ATP8A2: variants seen among roughly 807,000 people sequenced by gnomAD.
The protein encoded by ATP8A2 is phospholipid-transporting ATPase IB.
ATP8A2 carries 100 observed loss-of-function variants against 165.6 expected under a neutral mutation model. That is an observed-to-expected ratio of 0.60 (90% CI 0.51 to 0.71). The LOEUF is 0.71. Ranked by LOEUF, ATP8A2 falls within the 30% of genes least tolerant of loss-of-function variation. The probability of loss-of-function intolerance (pLI) is 0.00; values close to 1 mark genes in which losing one functional copy is unlikely to be tolerated. For missense variants in ATP8A2, 1,227 were observed against 1,479.5 expected (o/e 0.83, Z 2.80); for synonymous variants, 543 against 548.8 (o/e 0.99, Z 0.15).
chr13:25,732,418 G>A (rs2043672044), intron 25 of ATP8A2, among the ~76,000 whole-genome samples: 1 of 152,278 alleles, frequency 6.6e-6, no homozygotes, highest in East Asian at 1.9e-4. Flanking sequence ...GTGGCCATGT[G>A]AGCTCCAAGC....
At chr13:25,777,609 A>G (rs2044771195) in intron 27 of ATP8A2, among the ~76,000 whole-genome samples, 1 of 152,248 alleles carries the variant, frequency 6.6e-6, no homozygotes, top group Non-Finnish European at 1.5e-5. Context: ...TCTAAGATAC[A>G]TAACTACTAA....
At position 25,599,583 on chromosome 13, in the gene ATP8A2, T is replaced by C. The variant is rs570552673; in HGVS notation, c.2211+9884T>C. Among the ~76,000 whole-genome samples the C allele has an allele frequency of 2.6e-5, 4 of 152,386 alleles. No individual in the cohort carries two copies. The East Asian group carries it at 7.7e-4, about 29-fold the overall frequency. On this transcript the variant is annotated intron_variant, in intron 24 of 36. Coordinates refer to ENST00000381655, the MANE Select transcript of ATP8A2 (RefSeq NM_016529.6). ...CTTTGATAAATATTAATTTCCAGTT[T>C]AAAGACCTGTATCACTTGGGTTTTT...
chr13:25,822,040 A>C (rs993452474), intron 27 of ATP8A2, among the ~76,000 whole-genome samples: 11 of 152,194 alleles, frequency 7.2e-5, no homozygotes, highest in African/African-American at 2.4e-4. Context: ...GAGTATGTAC[A>C]TCTGTTCTGC....
At chr13:25,583,788 C>T (rs1016174446) in intron 23 of ATP8A2, among the ~76,000 whole-genome samples, 1 of 152,050 alleles carries the variant, frequency 6.6e-6, no homozygotes, top group Non-Finnish European at 1.5e-5. Flanking sequence ...TGATACCTGT[C>T]CAAACAATTT....
intron 27 of ATP8A2, among the ~76,000 whole-genome samples, chr13:25,818,442 A>G (rs1286046452): frequency 6.6e-6 from 1 of 152,250 alleles, no homozygotes; most frequent in Non-Finnish European, 1.5e-5. Flanking sequence ...CTTTTAAATA[A>G]GTAGGATTGA....
At chr13:25,620,997 G>A (rs184553258) in intron 24 of ATP8A2, among the ~76,000 whole-genome samples, 20 of 152,264 alleles carry the variant, frequency 1.3e-4, no homozygotes, top group African/African-American at 4.1e-4. Flanking sequence ...TGGAGTAGTG[G>A]GTGATTGGGC....
intron 25 of ATP8A2, among the ~76,000 whole-genome samples, chr13:25,738,048 G>A (rs922686467): frequency 5.3e-5 from 8 of 151,666 alleles, no homozygotes; most frequent in African/African-American, 2.0e-4. Context: ...CTCTTTCTGA[G>A]TCTGAAGACC....
At chr13:25,882,960 T>C (rs1232975124) in intron 33 of ATP8A2, among the ~76,000 whole-genome samples, 1 of 151,694 alleles carries the variant, frequency 6.6e-6, no homozygotes, top group Non-Finnish European at 1.5e-5. Flanking sequence ...ATGATGGTGA[T>C]GGTGATGATG....
intron 24 of ATP8A2, among the ~76,000 whole-genome samples, chr13:25,672,618 A>G (rs549369306): frequency 1.2e-4 from 18 of 152,108 alleles, no homozygotes; most frequent in African/African-American, 3.6e-4. Flanking sequence ...GCTGCTATTT[A>G]TTTTCTTCAT....
chr13:25,892,766 G>A (rs905494149), intron 33 of ATP8A2, among the ~76,000 whole-genome samples: 2 of 151,388 alleles, frequency 1.3e-5, no homozygotes, highest in Non-Finnish European at 2.9e-5. Flanking sequence ...CCACAGTTTG[G>A]GTCTCAACTT....
At chr13:25,748,875 G>A (rs190358429) in intron 25 of ATP8A2, among the ~76,000 whole-genome samples, 4 of 152,218 alleles carry the variant, frequency 2.6e-5, no homozygotes, top group South Asian at 2.1e-4. Flanking sequence ...TTATTTTAGT[G>A]TTTTTAGTAT....
At chr13:25,797,346 GA>G (rs1950517538) in intron 27 of ATP8A2, among the ~76,000 whole-genome samples, 1 of 151,958 alleles carries the variant, frequency 6.6e-6, no homozygotes, top group Non-Finnish European at 1.5e-5. Flanking sequence ...TGAGGTGATG[GA>G]TACGCTATTT....
chr13:25,468,971 C>A lies in ATP8A2; in HGVS notation c.77-6C>A. ...CGTATTCTCTGCCTGCGCCCTGTCT[C>A]TGCAGGACCTGTTCGTTCTTCTTTG... On this transcript the variant is annotated splice_polypyrimidine_tract_variant and splice_region_variant and intron_variant, in intron 1 of 36. Transcript: ENST00000381655. The A allele has an allele frequency of 6.2e-7, 1 of 1,613,940 alleles. No individual in the cohort carries two copies. The highest frequency in any genetic ancestry group is 8.5e-7 in the Non-Finnish European group (1 of 1,179,832).
At chr13:25,771,557 T>C (rs1233166514) in intron 26 of ATP8A2, among the ~76,000 whole-genome samples, 2 of 152,192 alleles carry the variant, frequency 1.3e-5, no homozygotes, top group East Asian at 3.8e-4. Flanking sequence ...TAGGATGTGT[T>C]ATCCAGAGCA....
chr13:25,841,834 G>A (rs1951751886), intron 30 of ATP8A2, among the ~76,000 whole-genome samples: 1 of 152,174 alleles, frequency 6.6e-6, no homozygotes, highest in African/African-American at 2.4e-5. Context: ...GATTCTGGAG[G>A]CTGGGAAGTC....
chr13:26,009,658 G>A (rs957506640), intron 35 of ATP8A2, among the ~76,000 whole-genome samples: 3 of 152,186 alleles, frequency 2.0e-5, no homozygotes, highest in African/African-American at 7.2e-5. Flanking sequence ...TGGATGGCAG[G>A]CCTGGGCCAT....
In ATP8A2 at chr13:25,750,739, C is replaced by G. The variant is rs1038970039; in HGVS notation, c.2385-18307C>G. 1.3e-5 allele frequency among the ~76,000 whole-genome samples: 2 copies of G among 151,840 alleles called. No homozygotes were observed. Among genetic ancestry groups the G allele is most frequent in the African/African-American group, 4.8e-5 (2 of 41,314 alleles). ...GAGCACATGGGCATCAAAAAGCTTG[C>G]GAAGAAAAGTCCTCTTCTGCTCGAT... On this transcript the variant is annotated intron_variant, in intron 25 of 36. Coordinates refer to ENST00000381655, the MANE Select transcript of ATP8A2 (RefSeq NM_016529.6). This position sits in a 1 kb window ranked among gnomAD's most constrained non-coding sequence, Gnocchi z 4.3.
intron 24 of ATP8A2, among the ~76,000 whole-genome samples, chr13:25,609,557 A>C (rs2040610818): frequency 1.4e-5 from 2 of 147,654 alleles, no homozygotes; most frequent in Non-Finnish European, 3.0e-5. Flanking sequence ...ATATATATAT[A>C]TTTGGATTCA....
intron 2 of ATP8A2, among the ~76,000 whole-genome samples, chr13:25,516,324 G>GT (rs1329330153): frequency 6.6e-6 from 1 of 152,156 alleles, no homozygotes; most frequent in Non-Finnish European, 1.5e-5. Context: ...AAAAGGATGG[G>GT]TTTAGGCCCT....
Sources: gnomAD v4.1 joint callset for allele counts (sites outside exome capture counted in the v4.1 genomes callset) on GRCh38, gnomAD v4.1.1 for gene constraint, Gnocchi (gnomAD v3.1) non-coding constraint, MANE v1.5 for transcripts, NCBI Gene and HGNC (gene_info 2026-07-23, HGNC 2026-07-21) for gene names.